COL13A1: variants seen among roughly 807,000 people sequenced by gnomAD.
The protein encoded by COL13A1 is collagen type XIII alpha 1 chain, also known as collagen alpha-1(XIII) chain.
COL13A1 carries 89 observed loss-of-function variants against 130.9 expected under a neutral mutation model. The ratio of observed to expected loss-of-function variants is 0.68; its 90% CI spans 0.57 to 0.81. The LOEUF is 0.81. COL13A1 is among the 30% of genes least tolerant of loss of function. The pLI, the probability that COL13A1 is intolerant of heterozygous loss-of-function variation, is 0.00. For synonymous variants in COL13A1, 402 were observed against 341.6 expected, an observed-to-expected ratio of 1.18 and a Z score of -1.95; for missense variants, 879 against 934.6, an observed-to-expected ratio of 0.94 and a Z score of 0.78.
rs546534594 is a variant in COL13A1, at chr10:69,836,976, G to A, written c.364+14538G>A. On this transcript the variant is annotated intron_variant, in intron 2 of 40. Coordinates refer to ENST00000645393, the MANE Select transcript of COL13A1 (RefSeq NM_001368882.1). ...TGACAGGCCGGAGGGAGGGTGGGGC[G>A]GGTCCCAACCTCCCAGGGGCAGCAG... is the stretch of plus-strand genomic sequence containing the variant. Among the ~76,000 whole-genome samples, 13 of 152,122 alleles carry A rather than the reference G, an allele frequency of 8.5e-5. No individual in the cohort carries two copies. In the South Asian group the frequency reaches 1.7e-3, roughly 19 times the overall value.
chr10:69,931,150 C>T (rs1315301929), intron 30 of COL13A1: 4 of 455,952 alleles, frequency 8.8e-6, no homozygotes, highest in African/African-American at 8.0e-5. Flanking sequence ...AAATCATTGT[C>T]AGTCTGTAGG....
intron 32 of COL13A1, among the ~76,000 whole-genome samples, 176 bp downstream of exon 32, chr10:69,935,567 G>A (rs1739875282): frequency 6.6e-6 from 1 of 152,202 alleles, no homozygotes; most frequent in African/African-American, 2.4e-5. Flanking sequence ...CCATACTGGG[G>A]ACACCAAGGA....
intron 3 of COL13A1, 111 bp downstream of exon 3, chr10:69,867,916 G>A (rs2058683158): frequency 2.9e-6 from 2 of 697,326 alleles, no homozygotes; most frequent in Non-Finnish European, 5.3e-6. Flanking sequence ...CTTGTTGGGG[G>A]CCTATGCAGG....
At chr10:69,877,321 G>T (rs1354781655) in intron 5 of COL13A1, 1 of 152,830 alleles carries the variant, frequency 6.5e-6, no homozygotes, top group Non-Finnish European at 1.5e-5. Flanking sequence ...AGCCTCCTCT[G>T]CATCACTGAC....
intron 35 of COL13A1, among the ~76,000 whole-genome samples, chr10:69,942,154 G>C (rs370174347): frequency 1.3e-5 from 2 of 152,308 alleles, no homozygotes; most frequent in South Asian, 2.1e-4. Flanking sequence ...AGGTAGGAGG[G>C]TCAAGATAGA....
At chr10:69,943,217 G>C (rs2067921200) in intron 35 of COL13A1, among the ~76,000 whole-genome samples, 1 of 152,178 alleles carries the variant, frequency 6.6e-6, no homozygotes, top group Non-Finnish European at 1.5e-5. Flanking sequence ...TTGCAAAGGG[G>C]GGCCCTGAGG....
intron 17 of COL13A1, 91 bp downstream of exon 17, chr10:69,905,913 C>A: frequency 1.4e-6 from 2 of 1,440,856 alleles, no homozygotes; most frequent in South Asian, 1.3e-5. Flanking sequence ...CTCTCCCTTC[C>A]AACCTAGGTG....
chr10:69,808,809 G>A (rs1842244843), intron 1 of COL13A1, among the ~76,000 whole-genome samples: 1 of 152,230 alleles, frequency 6.6e-6, no homozygotes, highest in African/African-American at 2.4e-5. Context: ...GGCTGGGGAA[G>A]GTTTATTAGT....
At chr10:69,865,477 G>T (rs2058433140) in intron 2 of COL13A1, among the ~76,000 whole-genome samples, 1 of 152,180 alleles carries the variant, frequency 6.6e-6, no homozygotes, top group South Asian at 2.1e-4. Context: ...GTTTTCCAAG[G>T]CACCTGAAGA....
At chr10:69,829,240 T>C in intron 2 of COL13A1, 1 of 985,450 alleles carries the variant, frequency 1.0e-6, no homozygotes, top group Non-Finnish European at 1.2e-6. Context: ...TTCAGGGTGC[T>C]GCCACCTGAC....
rs12243266 is a variant in COL13A1 at position 69,903,087 on chromosome 10, C to T, written c.858+232C>T. Among the ~76,000 whole-genome samples the T allele has an allele frequency of 0.042, 6,374 of 152,304 alleles. 174 individuals are homozygous for T. Among genetic ancestry groups the T allele is most frequent in the South Asian group, 0.074 (359 of 4,826 alleles). On this transcript the variant is annotated intron_variant, in intron 15 of 40. Coordinates refer to ENST00000645393, the MANE Select transcript of COL13A1 (RefSeq NM_001368882.1). ...GTTCCCTGCCTTCCAGGGAGGAGAC[C>T]GCCAATGGCCTGCCTGCCCCGTTCC...
At chr10:69,906,721 T>A (rs2062791493) in intron 17 of COL13A1, among the ~76,000 whole-genome samples, 1 of 151,976 alleles carries the variant, frequency 6.6e-6, no homozygotes, top group Non-Finnish European at 1.5e-5. Context: ...TTTGTTTGTT[T>A]GTTTTTTGTT....
chr10:69,820,107 TA>T (rs5785950), intron 1 of COL13A1, among the ~76,000 whole-genome samples: 120,328 of 152,178 alleles, frequency 0.79, 48,133 homozygotes, highest in Non-Finnish European at 0.86. Context: ...CCTCCTGGTA[TA>T]AAAAAACCAC....
At chr10:69,915,350 A>G (rs2063808843) in intron 17 of COL13A1, among the ~76,000 whole-genome samples, 1 of 152,190 alleles carries the variant, frequency 6.6e-6, no homozygotes, top group African/African-American at 2.4e-5. Flanking sequence ...CAGCCATGGT[A>G]ACTTCCTGAA....
intron 13 of COL13A1, among the ~76,000 whole-genome samples, chr10:69,896,857 G>A (rs907015448): frequency 3.3e-5 from 5 of 152,224 alleles, no homozygotes; most frequent in Non-Finnish European, 5.9e-5. Flanking sequence ...CTGCTGTTCC[G>A]GCCAGCCTGA....
chr10:69,941,084 C>CT, intron 35 of COL13A1, 61 bp downstream of exon 35: 1 of 1,612,240 alleles, frequency 6.2e-7, no homozygotes, highest in Non-Finnish European at 8.5e-7. Flanking sequence ...CCTGTGATCC[C>CT]TTTTGTCTGT....
At chr10:69,879,363 C>T (rs2059912988) in intron 6 of COL13A1, 1 of 152,236 alleles carries the variant, frequency 6.6e-6, no homozygotes, top group Admixed American at 6.5e-5. Flanking sequence ...GACATCTTCA[C>T]ATCCACCCTA....
chr10:69,888,246 C>A (rs41277956), intron 8 of COL13A1, 58 bp from the exon 9 acceptor site: 2 of 1,600,630 alleles, frequency 1.2e-6, no homozygotes, highest in African/African-American at 2.7e-5. Flanking sequence ...GCCCAGGCAG[C>A]CTCTTTGGCA....
chr10:69,897,286 G>T (rs2061739092), intron 13 of COL13A1, among the ~76,000 whole-genome samples: 1 of 152,122 alleles, frequency 6.6e-6, no homozygotes, highest in Admixed American at 6.5e-5. Flanking sequence ...AAGGGGTTGG[G>T]TTGGGGTGGC....
Sources: allele counts gnomAD v4.1 joint callset (sites outside exome capture counted in the v4.1 genomes callset), GRCh38; gene constraint gnomAD v4.1.1; transcripts MANE v1.5; gene names NCBI Gene and HGNC (gene_info 2026-07-23, HGNC 2026-07-21).